CELF2: variants seen among roughly 807,000 people sequenced by gnomAD.
CELF2 encodes CUG triplet repeat RNA-binding protein 2.
In CELF2, 8 loss-of-function variants were observed where a neutral mutation model predicts 62.6. The observed-to-expected ratio is 0.13, with a 90% confidence interval of 0.07 to 0.23. The LOEUF (loss-of-function observed/expected upper bound fraction) is 0.23. Among genes scored for constraint, CELF2 ranks in the 10% least tolerant of loss-of-function variants. CELF2 has a pLI of 1.00. For synonymous variants in CELF2, 258 were observed against 250.0 expected, an observed-to-expected ratio of 1.03 and a Z score of -0.30; for missense variants, 333 against 671.0, an observed-to-expected ratio of 0.50 and a Z score of 5.56.
chr10:10,745,402 C>G, the CELF2 span, among the ~76,000 whole-genome samples: 1 of 152,154 alleles, frequency 6.6e-6, no homozygotes, highest in South Asian at 2.1e-4. Flanking sequence ...TCAATCTCTC[C>G]TCCTAGATTC....
intron 2 of CELF2, among the ~76,000 whole-genome samples, chr10:10,965,250 C>T (rs1201883868): frequency 6.6e-6 from 1 of 152,138 alleles, no homozygotes; most frequent in Non-Finnish European, 1.5e-5. Flanking sequence ...TAATAACTTA[C>T]TGTCCTTTCA....
the CELF2 span, among the ~76,000 whole-genome samples, chr10:10,717,320 CTTTAA>C: frequency 6.6e-6 from 1 of 151,814 alleles, no homozygotes; most frequent in Admixed American, 6.6e-5. Flanking sequence ...TAGCATGTAC[CTTTAA>C]TTTACTAGTT....
chr10:10,722,944 G>T, the CELF2 span, among the ~76,000 whole-genome samples: 1 of 152,174 alleles, frequency 6.6e-6, no homozygotes, highest in Non-Finnish European at 1.5e-5. Flanking sequence ...CAAGAAAATG[G>T]TACCTCTCTT....
chr10:10,809,884 C>T (rs771740725), intron 1 of CELF2, among the ~76,000 whole-genome samples: 4 of 152,068 alleles, frequency 2.6e-5, no homozygotes, highest in Non-Finnish European at 4.4e-5. Context: ...TTTATTCTCA[C>T]GTTATATTTA....
intron 1 of CELF2, among the ~76,000 whole-genome samples, chr10:10,807,238 C>A (rs944303863): frequency 2.6e-5 from 4 of 152,156 alleles, no homozygotes; most frequent in Non-Finnish European, 5.9e-5. Context: ...TTGAGGTCCC[C>A]AAAATATTTT....
At chr10:10,664,960 A>G in the CELF2 span, among the ~76,000 whole-genome samples, 1 of 152,248 alleles carries the variant, frequency 6.6e-6, no homozygotes, top group African/African-American at 2.4e-5. Context: ...CAATACCAAC[A>G]AATGAAGGCA....
chr10:10,491,154 C>T, the CELF2 span, among the ~76,000 whole-genome samples: 1 of 152,176 alleles, frequency 6.6e-6, no homozygotes, highest in South Asian at 2.1e-4. Flanking sequence ...GAGGAACTTA[C>T]TTGGCAAAGA....
intron 2 of CELF2, among the ~76,000 whole-genome samples, chr10:10,989,092 G>A (rs927983814): frequency 2.0e-5 from 3 of 152,078 alleles, no homozygotes; most frequent in African/African-American, 4.8e-5. Flanking sequence ...TTAAGTCCTC[G>A]CAGAGAGAAA....
rs1470147321 is a variant in CELF2 at position 11,309,393 on chromosome 10, C to T, written c.977-4746C>T. ...GCCTCTGCTGTCACTCCTCAGAGGC[C>T]ACAGCCTTGAGCTATGAGTGACATT... is the stretch of plus-strand genomic sequence containing the variant. On this transcript the variant is annotated intron_variant, in intron 9 of 12. Transcript: ENST00000633077. The surrounding 1 kb of genome is among the most constrained non-coding windows in gnomAD (Gnocchi z 5.6). Among the ~76,000 whole-genome samples the T allele has an allele frequency of 6.6e-6, 1 of 152,218 alleles. No homozygotes were observed. Among genetic ancestry groups the T allele is most frequent in the African/African-American group, 2.4e-5 (1 of 41,460 alleles).
chr10:10,520,972 G>C, the CELF2 span, among the ~76,000 whole-genome samples: 3 of 152,188 alleles, frequency 2.0e-5, no homozygotes, highest in African/African-American at 7.2e-5. Flanking sequence ...GTCCTGAGAA[G>C]AGTCACAGTG....
chr10:10,856,846 G>A (rs2059743205), intron 1 of CELF2, among the ~76,000 whole-genome samples: 1 of 152,056 alleles, frequency 6.6e-6, no homozygotes, highest in South Asian at 2.1e-4. Context: ...TTAATCTTCT[G>A]AACTTTCATT....
intron 1 of CELF2, among the ~76,000 whole-genome samples, chr10:10,905,534 A>T (rs1339516070): frequency 2.6e-5 from 4 of 151,576 alleles, no homozygotes; most frequent in Admixed American, 2.6e-4. Context: ...ACTTGAGGCC[A>T]GGAGTTCGAG....
At chr10:11,050,755 T>A (rs938882140) in intron 1 of CELF2, among the ~76,000 whole-genome samples, 7 of 152,104 alleles carry the variant, frequency 4.6e-5, no homozygotes, top group Non-Finnish European at 1.0e-4. Flanking sequence ...GCCAGACAGA[T>A]CTTAAGGCCT....
rs890117100 is a variant in CELF2, at chr10:10,939,755, C to A, written c.89+19756C>A. 5.9e-5 allele frequency among the ~76,000 whole-genome samples: 9 copies of A among 151,820 alleles called. No individual in the cohort carries two copies. The South Asian group carries it at 1.9e-3, about 32-fold the overall frequency. ...GGATCACGAGGTCAGGAGATCGAGA[C>A]CATCCTGGCTAACACGGTGAAACCC... is the stretch of plus-strand genomic sequence containing the variant. On this transcript the variant is annotated intron_variant, in intron 2 of 13. Transcript: ENST00000636488.
At chr10:11,272,508 G>C (rs959578737) in intron 7 of CELF2, among the ~76,000 whole-genome samples, 2 of 152,148 alleles carry the variant, frequency 1.3e-5, no homozygotes, top group African/African-American at 4.8e-5. Context: ...ACTGAGACAC[G>C]TGTCCACTCT....
At chr10:10,875,183 C>T (rs961469956) in intron 1 of CELF2, among the ~76,000 whole-genome samples, 3 of 152,038 alleles carry the variant, frequency 2.0e-5, no homozygotes, top group African/African-American at 4.8e-5. Flanking sequence ...AAATAAAATC[C>T]GATATTCCGT....
At chr10:11,221,536 GGTCTTAACACATATT>G (rs2064879963) in intron 3 of CELF2, among the ~76,000 whole-genome samples, 1 of 151,832 alleles carries the variant, frequency 6.6e-6, no homozygotes, top group African/African-American at 2.4e-5. Context: ...CTCTTTCCAA[GGTCTTAACACATATT>G]GTCTCTGGTA....
chr10:10,484,443 A>G, the CELF2 span, among the ~76,000 whole-genome samples: 1 of 146,160 alleles, frequency 6.8e-6, no homozygotes, highest in Non-Finnish European at 1.5e-5. Context: ...CAGCCCCCCA[A>G]GGAGCTGGAA....
the CELF2 span, among the ~76,000 whole-genome samples, chr10:10,509,284 G>T: frequency 6.6e-6 from 1 of 152,116 alleles, no homozygotes; most frequent in African/African-American, 2.4e-5. Context: ...TGTTGATAGA[G>T]ACTGAATTTT....
Sources: gnomAD v4.1 joint callset for allele counts (sites outside exome capture counted in the v4.1 genomes callset) on GRCh38, gnomAD v4.1.1 for gene constraint, Gnocchi (gnomAD v3.1) non-coding constraint, MANE v1.5 for transcripts, NCBI Gene and HGNC (gene_info 2026-07-23, HGNC 2026-07-21) for gene names.